LPAR3: variants seen among roughly 807,000 people sequenced by gnomAD.
LPAR3 encodes the protein LPA receptor 3.
A neutral mutation model predicts 17.8 loss-of-function variants in LPAR3; 7 were observed. That is an observed-to-expected ratio of 0.39 (90% CI 0.22 to 0.74). The LOEUF (loss-of-function observed/expected upper bound fraction) is 0.74. Ranked by LOEUF, LPAR3 falls within the 30% of genes least tolerant of loss-of-function variation. LPAR3 has a pLI of 0.40. For synonymous variants in LPAR3, 179 were observed against 179.9 expected (o/e 0.99, Z 0.04); for missense variants, 391 against 453.4 (o/e 0.86, Z 1.25).
chr1:84,827,501 C>T (rs1659184795), intron 2 of LPAR3, among the ~76,000 whole-genome samples: 1 of 151,326 alleles, frequency 6.6e-6, no homozygotes, highest in African/African-American at 2.5e-5. Context: ...AGAAGTGGAG[C>T]CTACTGCTCA....
At chr1:84,874,237 C>G (rs1185490262) in intron 1 of LPAR3, among the ~76,000 whole-genome samples, 1 of 152,136 alleles carries the variant, frequency 6.6e-6, no homozygotes, top group Non-Finnish European at 1.5e-5. Flanking sequence ...TTAAGCATCT[C>G]AGGTCATCTT....
chr1:84,837,501 A>G (rs993258550), intron 2 of LPAR3, among the ~76,000 whole-genome samples: 33 of 152,206 alleles, frequency 2.2e-4, no homozygotes, highest in African/African-American at 7.7e-4. Flanking sequence ...ACAAGACAAC[A>G]TCACCTCTGA....
chr1:84,889,932 A>G (rs1003629554), intron 1 of LPAR3, among the ~76,000 whole-genome samples: 1 of 152,208 alleles, frequency 6.6e-6, no homozygotes, highest in Non-Finnish European at 1.5e-5. Flanking sequence ...CCACTATATA[A>G]ATGAAAAAAA....
chr1:84,862,029 T>C (rs1659950211), intron 2 of LPAR3, among the ~76,000 whole-genome samples: 1 of 152,216 alleles, frequency 6.6e-6, no homozygotes, highest in Non-Finnish European at 1.5e-5. Context: ...TTTGGAATCC[T>C]TGTCTCTATC....
At chr1:84,863,835 A>G (rs1659987531) in intron 2 of LPAR3, among the ~76,000 whole-genome samples, 1 of 152,070 alleles carries the variant, frequency 6.6e-6, no homozygotes, top group African/African-American at 2.4e-5. Flanking sequence ...AGTCTTCCTC[A>G]TCTTGGTTAA....
In LPAR3 at chr1:84,814,097, C is replaced by A. The variant is rs889787610; in HGVS notation, c.811G>T (p.Val271Leu). The change falls in exon 3 of 3, where the codon GTG becomes TTG. Residue 271 changes from valine to leucine, a missense_variant. Coordinates refer to ENST00000370611, the MANE Select transcript of LPAR3 (RefSeq NM_012152.3). ...LDGLNCRQCG[V>L]QHVKRWFLLL... ...AGGAACCACCTTTTCACATGCTGCA[C>A]GCCACACTGCCTGCAGTTCAGGCCG... 2.5e-6 allele frequency: 4 copies of A among 1,614,002 alleles called. No homozygotes were observed. The highest frequency in any genetic ancestry group is 2.7e-5 in the African/African-American group (2 of 74,906).
intron 2 of LPAR3, among the ~76,000 whole-genome samples, chr1:84,825,203 T>C (rs1001650533): frequency 6.6e-6 from 1 of 152,200 alleles, no homozygotes; most frequent in Non-Finnish European, 1.5e-5. Flanking sequence ...AAGACAAACA[T>C]GGATGCTCTG....
At chr1:84,831,348 T>C (rs1659279491) in intron 2 of LPAR3, among the ~76,000 whole-genome samples, 1 of 152,142 alleles carries the variant, frequency 6.6e-6, no homozygotes, top group Non-Finnish European at 1.5e-5. Flanking sequence ...CCTAGCTACT[T>C]AGGAGGCTGA....
At position 84,813,896 on chromosome 1, in the gene LPAR3, T is replaced by G; in HGVS notation, c.1012A>C (p.Ile338Leu). The G allele has an allele frequency of 6.2e-7, 1 of 1,614,176 alleles. No homozygotes were observed. The highest frequency in any genetic ancestry group is 8.5e-7 in the Non-Finnish European group (1 of 1,180,036). Residue 338 changes from isoleucine to leucine, a missense_variant, in exon 3 of 3, where the codon ATA (isoleucine) becomes CTA (leucine). Ile to Leu is a conservative substitution (Grantham distance 5). Coordinates refer to ENST00000370611, the MANE Select transcript of LPAR3 (RefSeq NM_012152.3). Reference sequence around the variant, plus strand: ...GCACCTTGGCTAATACTATCCTCTATGTACTGGCTGCCTGTGTCACTCCTG... The same window carrying G: ...GCACCTTGGCTAATACTATCCTCTAGGTACTGGCTGCCTGTGTCACTCCTG... ...LSRSDTGSQYIEDSISQGAVC... is the reference protein window; with the variant it reads ...LSRSDTGSQYLEDSISQGAVC...
intron 2 of LPAR3, among the ~76,000 whole-genome samples, chr1:84,859,451 TAA>T (rs904088176): frequency 3.9e-5 from 6 of 152,204 alleles, no homozygotes; most frequent in African/African-American, 9.6e-5. Context: ...TTTCATATTT[TAA>T]AAGAGTTCAG....
At chr1:84,849,268 G>A (rs572041640) in intron 2 of LPAR3, among the ~76,000 whole-genome samples, 6 of 151,450 alleles carry the variant, frequency 4.0e-5, no homozygotes, top group African/African-American at 9.7e-5. Context: ...CCAGCTACTC[G>A]GGAGGCTGAG....
At chr1:84,885,763 C>G (rs1340307058) in intron 1 of LPAR3, among the ~76,000 whole-genome samples, 1 of 152,152 alleles carries the variant, frequency 6.6e-6, no homozygotes, top group Non-Finnish European at 1.5e-5. Flanking sequence ...GTGGTGGACA[C>G]AGAGGAGGCA....
chr1:84,867,108 A>C (rs916065634), intron 1 of LPAR3, among the ~76,000 whole-genome samples: 1 of 152,242 alleles, frequency 6.6e-6, no homozygotes, highest in Non-Finnish European at 1.5e-5. Flanking sequence ...CAGGGAAGAC[A>C]CTAATCCTCT....
intron 1 of LPAR3, among the ~76,000 whole-genome samples, chr1:84,885,128 G>A (rs138526124): frequency 1.3e-3 from 197 of 152,266 alleles, no homozygotes; most frequent in African/African-American, 4.6e-3. Context: ...TTGGGGGAGG[G>A]GGGTACTATT....
rs1382360116 is a variant in LPAR3, at chr1:84,865,653, G to A, written c.468C>T (p.Ala156=). The A allele has an allele frequency of 1.9e-6, 3 of 1,614,060 alleles. No homozygotes were observed. The highest frequency in any genetic ancestry group is 1.7e-5 in the Admixed American group (1 of 60,002). Residue 156 remains alanine, a synonymous_variant, in exon 2 of 3, where the codon GCC becomes GCT. Coordinates refer to ENST00000370611, the MANE Select transcript of LPAR3 (RefSeq NM_012152.3). The stretch of plus-strand genomic sequence containing the variant: ...GTGTGGGGACCGCCCCCATAAAAAT[G>A]GCGATGGCCCAGACAAGCAAAATGA... ...TLLILLVWAI[A]IFMGAVPTLG...
intron 1 of LPAR3, among the ~76,000 whole-genome samples, chr1:84,885,898 A>G (rs1355212720): frequency 6.6e-6 from 1 of 152,258 alleles, no homozygotes; most frequent in African/African-American, 2.4e-5. Context: ...GGGGAAGAAC[A>G]GAAAGCTCTT....
intron 2 of LPAR3, among the ~76,000 whole-genome samples, chr1:84,838,016 G>A (rs1402380839): frequency 6.6e-6 from 1 of 152,086 alleles, no homozygotes; most frequent in Non-Finnish European, 1.5e-5. Context: ...AAGGTGATGT[G>A]ATTAAAACAT....
At position 84,865,947 on chromosome 1, in the gene LPAR3, G is replaced by C; in HGVS notation, c.174C>G (p.Asn58Lys). 3 of 1,614,030 alleles carry C rather than the reference G, an allele frequency of 1.9e-6. No individual in the cohort carries two copies. Among genetic ancestry groups the C allele is most frequent in the Non-Finnish European group, 2.5e-6 (3 of 1,179,984 alleles). ...AGTAGAAGGGGAAATGAAATTTTCT[G>C]TTTTTGATCACTGCCGCGATGACCA... ...NSLVIAAVIKNRKFHFPFYYL... is the reference protein window; with the variant it reads ...NSLVIAAVIKKRKFHFPFYYL... Residue 58 changes from asparagine (N) to lysine (K), a missense_variant, in exon 2 of 3, where the codon AAC (asparagine) becomes AAG (lysine). Coordinates refer to ENST00000370611, the MANE Select transcript of LPAR3 (RefSeq NM_012152.3).
At chr1:84,853,012 T>C (rs567718680) in intron 2 of LPAR3, among the ~76,000 whole-genome samples, 2 of 151,394 alleles carry the variant, frequency 1.3e-5, no homozygotes. Context: ...TCCCAGTACT[T>C]TGGGAGACTG....
Sources: gnomAD v4.1 joint callset for allele counts (sites outside exome capture counted in the v4.1 genomes callset) on GRCh38, gnomAD v4.1.1 for gene constraint, MANE v1.5 for transcripts, NCBI Gene and HGNC (gene_info 2026-07-23, HGNC 2026-07-21) for gene names.